The following PTGIS variants were observed in gnomAD, a reference collection of about 807,000 sequenced individuals.
PTGIS encodes the protein prostaglandin I2 synthase.
Under a neutral mutation model 50.3 loss-of-function variants are expected in PTGIS, and 45 were observed. That is an observed-to-expected ratio of 0.90 (90% CI 0.70 to 1.15). The LOEUF (loss-of-function observed/expected upper bound fraction) is 1.15. Ranked by LOEUF, PTGIS falls within the 50% of genes most tolerant of loss-of-function variation. The probability of loss-of-function intolerance (pLI) is 0.00; values close to 1 mark genes in which losing one functional copy is unlikely to be tolerated. For synonymous variants in PTGIS, 260 were observed against 267.7 expected, an observed-to-expected ratio of 0.97 and a Z score of 0.28; for missense variants, 668 against 661.3, an observed-to-expected ratio of 1.01 and a Z score of -0.11.
In PTGIS at chr20:49,507,076, T is replaced by A. The variant is rs1188604910; in HGVS notation, c.*844A>T. 1 of 152,258 alleles carries A rather than the reference T, an allele frequency of 6.6e-6. No homozygotes were observed. The highest frequency in any genetic ancestry group is 1.5e-5 in the Non-Finnish European group (1 of 68,096). The allele number at this position is 152,258 out of a possible 1,614,324, so 9.4% of individuals were successfully genotyped here. On this transcript the variant is annotated 3_prime_UTR_variant, in exon 10 of 10. Coordinates refer to ENST00000244043, the MANE Select transcript of PTGIS (RefSeq NM_000961.4). ...TCTGCAGACTGGATCGTGATCACAGTTGGGGCTTCTGCACTAGAATGCATG... is the reference window on the plus strand; with the variant it reads ...TCTGCAGACTGGATCGTGATCACAGATGGGGCTTCTGCACTAGAATGCATG...
At chr20:49,524,759 C>G (rs1245433556) in intron 5 of PTGIS, among the ~76,000 whole-genome samples, 1 of 152,122 alleles carries the variant, frequency 6.6e-6, no homozygotes, top group Non-Finnish European at 1.5e-5. Context: ...GGAGAAACCA[C>G]TTACAAAATC....
At chr20:49,537,034 C>T (rs1778612295) in intron 5 of PTGIS, among the ~76,000 whole-genome samples, 1 of 152,182 alleles carries the variant, frequency 6.6e-6, no homozygotes, top group African/African-American at 2.4e-5. Context: ...AGCAAGGAAG[C>T]AGCAGCGCAG....
At chr20:49,508,190 G>T in intron 9 of PTGIS, 126 bp from the exon 10 acceptor site, 3 of 1,149,998 alleles carry the variant, frequency 2.6e-6, no homozygotes, top group South Asian at 2.6e-5. Context: ...GAGGAGAGGA[G>T]TGAGGAAGTA....
intron 5 of PTGIS, among the ~76,000 whole-genome samples, chr20:49,534,742 T>C (rs1878946917): frequency 6.6e-6 from 1 of 152,180 alleles, no homozygotes; most frequent in South Asian, 2.1e-4. Flanking sequence ...CCAGCATGGA[T>C]GGCAAGATTT....
intron 3 of PTGIS, among the ~76,000 whole-genome samples, chr20:49,545,508 A>G (rs1480798747): frequency 6.6e-6 from 1 of 152,104 alleles, no homozygotes; most frequent in African/African-American, 2.4e-5. Context: ...ATCTGGTCCC[A>G]TCGTGTGGAC....
intron 1 of PTGIS, among the ~76,000 whole-genome samples, chr20:49,559,331 C>T (rs144761545): frequency 7.2e-5 from 11 of 152,128 alleles, no homozygotes; most frequent in Admixed American, 2.0e-4. Context: ...CAGACACATT[C>T]CTCCTCTTGC....
At position 49,544,572 on chromosome 20, in the gene PTGIS, G is replaced by A. The variant is rs539859224; in HGVS notation, c.378-124C>T. ...CTCCCCATTGGCAAAGAGGTCCTGC[G>A]GAAGAGTAGCTTAAATAAGAGGATA... On this transcript the variant is annotated intron_variant, in intron 3 of 9. Coordinates refer to ENST00000244043, the MANE Select transcript of PTGIS (RefSeq NM_000961.4). 191 of 1,013,862 alleles carry A rather than the reference G, an allele frequency of 1.9e-4. 2 individuals carry two copies. In the Admixed American group the frequency reaches 2.7e-3, roughly 14 times the overall value. 62.8% of individuals were successfully genotyped at this position (1,013,862 alleles called of 1,614,324 possible).
At position 49,540,378 on chromosome 20, in the gene PTGIS, A is replaced by AAG. The variant is rs1479200917; in HGVS notation, c.522-658_522-657insCT. On this transcript the variant is annotated intron_variant, in intron 4 of 9. Transcript: ENST00000244043. The surrounding 1 kb of genome is among the most constrained non-coding windows in gnomAD (Gnocchi z 4.8). ...AGGAACGTGTTCAGGCAACAGGCAC[A>AAG]GCCTGTGCAAAGGCCCAGAGCTGAG... is the stretch of plus-strand genomic sequence containing the variant. Among the ~76,000 whole-genome samples, 1 of 152,178 alleles carries AAG rather than the reference A, an allele frequency of 6.6e-6. No individual in the cohort carries two copies. Among genetic ancestry groups the AAG allele is most frequent in the African/African-American group, 2.4e-5 (1 of 41,448 alleles).
intron 6 of PTGIS, among the ~76,000 whole-genome samples, chr20:49,516,514 G>A (rs760443790): frequency 1.3e-5 from 2 of 152,208 alleles, no homozygotes; most frequent in African/African-American, 2.4e-5. Flanking sequence ...CTACAGTGAT[G>A]TACAATGTCA....
chr20:49,508,860 G>A (rs2122833339), intron 9 of PTGIS, among the ~76,000 whole-genome samples: 1 of 152,334 alleles, frequency 6.6e-6, no homozygotes, highest in East Asian at 1.9e-4. Context: ...CCCTACGGGG[G>A]ATGTCAACGG....
chr20:49,512,652 CATT>C (rs1372659769), intron 8 of PTGIS, among the ~76,000 whole-genome samples: 7 of 152,156 alleles, frequency 4.6e-5, no homozygotes, highest in Admixed American at 3.3e-4. Flanking sequence ...GAGAAACTGA[CATT>C]ATAACAATCT....
rs148875055 is a variant in PTGIS at position 49,550,107 on chromosome 20, A to G, written c.157T>C (p.Phe53Leu). 3.7e-6 allele frequency: 6 copies of G among 1,614,098 alleles called. No homozygotes were observed. The African/African-American group carries it at 6.7e-5, about 18-fold the overall frequency. The change falls in exon 2 of 10, where the codon TTC becomes CTC. Residue 53 changes from phenylalanine (F) to leucine (L), a missense_variant. By Grantham distance (22) the Phe-to-Leu change is conservative. Coordinates refer to ENST00000244043, the MANE Select transcript of PTGIS (RefSeq NM_000961.4). ...TGCTTCTCCTTCATCCTCGTGAGGA[A>G]GCTGGCAGCATCTTTTCCAAAGTCC... ...ALDFGKDAAS[F>L]LTRMKEKHGD...
intron 3 of PTGIS, among the ~76,000 whole-genome samples, chr20:49,545,699 G>A (rs1437756049): frequency 1.3e-5 from 2 of 152,106 alleles, no homozygotes; most frequent in Admixed American, 6.5e-5. Flanking sequence ...GTAGGATCTG[G>A]ACCAAAAAGG....
chr20:49,541,415 A>C (rs1982224022), intron 4 of PTGIS, among the ~76,000 whole-genome samples: 1 of 152,128 alleles, frequency 6.6e-6, no homozygotes, highest in African/African-American at 2.4e-5. Context: ...TTTCTACCAA[A>C]ACAGGCAATG....
chr20:49,566,830 T>C (rs1982911176), intron 1 of PTGIS, among the ~76,000 whole-genome samples: 1 of 152,100 alleles, frequency 6.6e-6, no homozygotes, highest in Non-Finnish European at 1.5e-5. Context: ...AAGAGGACAG[T>C]AATGGGAAAC....
At chr20:49,537,906 G>A (rs1014365569) in intron 5 of PTGIS, among the ~76,000 whole-genome samples, 1 of 152,134 alleles carries the variant, frequency 6.6e-6, no homozygotes, top group African/African-American at 2.4e-5. Context: ...AACCAGGAAT[G>A]GATAAACAAA....
chr20:49,547,061 G>A (rs140214998), intron 3 of PTGIS, among the ~76,000 whole-genome samples: 8 of 152,214 alleles, frequency 5.3e-5, no homozygotes, highest in African/African-American at 1.9e-4. Context: ...ATGAAATCCT[G>A]TCTCTACTAA....
At position 49,539,728 on chromosome 20, in the gene PTGIS, G is replaced by A; in HGVS notation, c.522-7C>T. 1 of 1,609,250 alleles carries A rather than the reference G, an allele frequency of 6.2e-7. No homozygotes were observed. The highest frequency in any genetic ancestry group is 1.1e-5 in the South Asian group (1 of 90,658). On this transcript the variant is annotated splice_polypyrimidine_tract_variant and splice_region_variant and intron_variant, in intron 4 of 9. Coordinates refer to ENST00000244043, the MANE Select transcript of PTGIS (RefSeq NM_000961.4). ...AAGAGTCAGGTAGCCGGCTCTGGGGGCGGCAGACAGAGGGTCAGGGGTCCT... is the reference window on the plus strand; with the variant it reads ...AAGAGTCAGGTAGCCGGCTCTGGGGACGGCAGACAGAGGGTCAGGGGTCCT...
intron 5 of PTGIS, among the ~76,000 whole-genome samples, chr20:49,530,080 G>C (rs936720723): frequency 2.0e-5 from 3 of 151,950 alleles, no homozygotes; most frequent in African/African-American, 7.3e-5. Context: ...CTTGAATCTG[G>C]GGGGCGGAGG....
Sources: gnomAD v4.1 joint callset for allele counts (sites outside exome capture counted in the v4.1 genomes callset) on GRCh38, gnomAD v4.1.1 for gene constraint, Gnocchi (gnomAD v3.1) non-coding constraint, MANE v1.5 for transcripts, NCBI Gene and HGNC (gene_info 2026-07-23, HGNC 2026-07-21) for gene names.